Variants in LRRTM4 observed in about 807,000 individuals in gnomAD.
LRRTM4 encodes leucine rich repeat transmembrane neuronal 4, also known as leucine-rich repeat transmembrane neuronal protein 4.
LRRTM4 carries 25 observed loss-of-function variants against 47.6 expected under a neutral mutation model. That is an observed-to-expected ratio of 0.53 (90% CI 0.38 to 0.73). The LOEUF is 0.73. Ranked by LOEUF, LRRTM4 falls within the 30% of genes least tolerant of loss-of-function variation. The pLI is 0.00. For synonymous variants in LRRTM4, 311 were observed against 269.5 expected, an observed-to-expected ratio of 1.15 and a Z score of -1.51; for missense variants, 638 against 713.4, an observed-to-expected ratio of 0.89 and a Z score of 1.20.
At position 77,419,154 on chromosome 2, in the gene LRRTM4, C is replaced by T. The variant is rs146482548; in HGVS notation, c.1551+99164G>A. On this transcript the variant is annotated intron_variant, in intron 3 of 3. Transcript: ENST00000409884. ...ACATAAATACATTATTTTTGTCTGC[C>T]CTGTCAGTGGATTTATCTATTTATT... is the stretch of plus-strand genomic sequence containing the variant. Among the ~76,000 whole-genome samples, 308 of 151,970 alleles carry T rather than the reference C, an allele frequency of 2.0e-3. 4 individuals are homozygous for T. Among genetic ancestry groups the T allele is most frequent in the African/African-American group, 7.1e-3 (294 of 41,456 alleles).
Position 77,318,426 on chromosome 2 carries a change from A to G in LRRTM4, c.1551+199892T>C, listed in dbSNP as rs145266392. 3.3e-5 allele frequency among the ~76,000 whole-genome samples: 5 copies of G among 152,336 alleles called. No homozygotes were observed. The East Asian group carries it at 9.7e-4, about 29-fold the overall frequency. ...AACACACAGGAAGCTCAAAGTCAAC[A>G]TTTATGGACTTCACAACACCTTGAA... On this transcript the variant is annotated intron_variant, in intron 3 of 3. Transcript: ENST00000409884.
At chr2:77,153,594 T>C (rs1672484394) in intron 3 of LRRTM4, among the ~76,000 whole-genome samples, 1 of 152,230 alleles carries the variant, frequency 6.6e-6, no homozygotes, top group Admixed American at 6.5e-5. Context: ...AGCTGAGTTT[T>C]TATTTCATGA....
intron 3 of LRRTM4, among the ~76,000 whole-genome samples, chr2:77,159,145 A>G (rs1672639340): frequency 6.6e-6 from 1 of 152,200 alleles, no homozygotes; most frequent in African/African-American, 2.4e-5. Flanking sequence ...ATTTGGAAGA[A>G]CAGCTGACAC....
At chr2:77,411,616 C>CTGTT (rs1381581845) in intron 3 of LRRTM4, among the ~76,000 whole-genome samples, 1 of 96,622 alleles carries the variant, frequency 1.0e-5, no homozygotes. Context: ...CCATGCCCGG[C>CTGTT]TATTTTTTTT....
intron 3 of LRRTM4, among the ~76,000 whole-genome samples, chr2:76,821,946 T>C (rs965224302): frequency 1.3e-5 from 2 of 151,620 alleles, no homozygotes; most frequent in South Asian, 2.1e-4. Context: ...AGAGTCCAAT[T>C]ACTTCTTTAG....
intron 3 of LRRTM4, among the ~76,000 whole-genome samples, chr2:77,410,126 A>G (rs1318263314): frequency 6.6e-6 from 1 of 152,162 alleles, no homozygotes; most frequent in African/African-American, 2.4e-5. Context: ...TGTATATTTG[A>G]GAAGAAAAAA....
In LRRTM4 at chr2:76,883,675, T is replaced by C. The variant is rs545919376; in HGVS notation, c.1552-134759A>G. On this transcript the variant is annotated intron_variant, in intron 3 of 3. Transcript: ENST00000409884. ...CCCCACTGTTTCTCGCAAATCCCCATCTCAGGAATTAGAAAACTTGGAGCA... is the reference window on the plus strand; with the variant it reads ...CCCCACTGTTTCTCGCAAATCCCCACCTCAGGAATTAGAAAACTTGGAGCA... 2.6e-5 allele frequency among the ~76,000 whole-genome samples: 4 copies of C among 152,182 alleles called. No individual in the cohort carries two copies. In the South Asian group the frequency reaches 8.3e-4, roughly 32 times the overall value.
chr2:77,477,903 A>G (rs1233267853), intron 3 of LRRTM4, among the ~76,000 whole-genome samples: 2 of 109,826 alleles, frequency 1.8e-5, no homozygotes, highest in East Asian at 5.6e-4. Context: ...AAAAGAAAGA[A>G]AAAGAAAGAA....
At chr2:76,838,009 C>G (rs2103920792) in intron 3 of LRRTM4, among the ~76,000 whole-genome samples, 1 of 151,734 alleles carries the variant, frequency 6.6e-6, no homozygotes, top group Non-Finnish European at 1.5e-5. Flanking sequence ...ATGGGTGCAG[C>G]ACACCAGCAT....
intron 3 of LRRTM4, among the ~76,000 whole-genome samples, chr2:77,122,702 T>C (rs1294795243): frequency 4.0e-5 from 6 of 151,700 alleles, no homozygotes; most frequent in African/African-American, 9.7e-5. Context: ...TTTTTCCTCA[T>C]GGGACTGCCT....
At chr2:77,119,377 G>A (rs1671468067) in intron 3 of LRRTM4, among the ~76,000 whole-genome samples, 2 of 151,770 alleles carry the variant, frequency 1.3e-5, no homozygotes, top group Admixed American at 6.6e-5. Context: ...TCTCCCAGTT[G>A]AGTAAGTTTC....
chr2:77,005,509 C>T (rs541686207), intron 3 of LRRTM4, among the ~76,000 whole-genome samples: 1 of 152,228 alleles, frequency 6.6e-6, no homozygotes, highest in Admixed American at 6.5e-5. Context: ...TACGGTTTGG[C>T]TCCATTTCCC....
intron 3 of LRRTM4, among the ~76,000 whole-genome samples, chr2:76,912,082 G>A (rs898193346): frequency 2.6e-5 from 4 of 151,812 alleles, no homozygotes; most frequent in Admixed American, 1.3e-4. Context: ...CACCATGCCC[G>A]GCTAATTTTT....
chr2:77,079,283 C>T (rs571269145), intron 3 of LRRTM4, among the ~76,000 whole-genome samples: 2 of 152,236 alleles, frequency 1.3e-5, no homozygotes, highest in South Asian at 2.1e-4. Flanking sequence ...TGAAGTCTTG[C>T]GTGGGAATTG....
At chr2:77,123,672 A>G (rs1176688047) in intron 3 of LRRTM4, among the ~76,000 whole-genome samples, 1 of 152,060 alleles carries the variant, frequency 6.6e-6, no homozygotes, top group Non-Finnish European at 1.5e-5. Flanking sequence ...AATTTATATC[A>G]TTTTATTTCT....
chr2:77,079,432 G>T (rs2103851281), intron 3 of LRRTM4, among the ~76,000 whole-genome samples: 1 of 152,212 alleles, frequency 6.6e-6, no homozygotes, highest in South Asian at 2.1e-4. Context: ...TGAGTAGTTA[G>T]GACAGAAACC....
In LRRTM4 at chr2:76,773,829, CA is replaced by C. The variant is rs571044149; in HGVS notation, c.1552-24914del. 1.4e-4 allele frequency among the ~76,000 whole-genome samples: 21 copies of C among 149,686 alleles called. No homozygotes were observed. In the South Asian group the frequency reaches 3.8e-3, roughly 27 times the overall value. On this transcript the variant is annotated intron_variant, in intron 3 of 3. Coordinates refer to ENST00000409884, the MANE Select transcript of LRRTM4 (RefSeq NM_001134745.3). ...GCATTTTTTTTTTTTACCATGTAGACAAAATTACGAATAATGGTAGCAGAGG... is the reference window on the plus strand; with the variant it reads ...GCATTTTTTTTTTTTACCATGTAGACAAATTACGAATAATGGTAGCAGAGG...
At chr2:77,111,438 C>T (rs1553391577) in intron 3 of LRRTM4, among the ~76,000 whole-genome samples, 1 of 151,914 alleles carries the variant, frequency 6.6e-6, no homozygotes, top group Non-Finnish European at 1.5e-5. Flanking sequence ...ATAATTCCCT[C>T]TTATCACAGG....
chr2:77,312,249 A>G (rs537853145), intron 3 of LRRTM4, among the ~76,000 whole-genome samples: 1 of 150,728 alleles, frequency 6.6e-6, no homozygotes. Context: ...TGTCACTTAA[A>G]TCTTTCTAAT....
Sources: allele counts gnomAD v4.1 joint callset (sites outside exome capture counted in the v4.1 genomes callset), GRCh38; gene constraint gnomAD v4.1.1; transcripts MANE v1.5; gene names NCBI Gene and HGNC (gene_info 2026-07-23, HGNC 2026-07-21).